The following DOCK1 variants were observed in gnomAD, a reference collection of about 807,000 sequenced individuals.
DOCK1 encodes dedicator of cytokinesis protein 1.
DOCK1 carries 138 observed loss-of-function variants against 262.7 expected under a neutral mutation model. The observed-to-expected ratio is 0.53, with a 90% CI of 0.46 to 0.61. The LOEUF (loss-of-function observed/expected upper bound fraction) is 0.61. Ranked by LOEUF, DOCK1 falls within the 20% of genes least tolerant of loss-of-function variation. The pLI, the probability that DOCK1 is intolerant of heterozygous loss-of-function variation, is 0.00. For missense variants in DOCK1, 1,908 were observed against 2,370.7 expected (o/e 0.80, Z 4.05); for synonymous variants, 866 against 867.4 (o/e 1.00, Z 0.03).
At chr10:126,988,977 G>A (rs753628760) in intron 5 of DOCK1, among the ~76,000 whole-genome samples, 73 of 151,692 alleles carry the variant, frequency 4.8e-4, no homozygotes, top group Non-Finnish European at 6.6e-4. Flanking sequence ...GGAAGCTTAG[G>A]CAGGAGAATT....
intron 27 of DOCK1, among the ~76,000 whole-genome samples, chr10:127,173,653 A>G (rs937847052): frequency 5.3e-5 from 8 of 152,122 alleles, no homozygotes; most frequent in Admixed American, 3.3e-4. Flanking sequence ...ACTACCAACT[A>G]TATCAACATC....
At position 127,354,673 on chromosome 10, in the gene DOCK1, G is replaced by A. The variant is rs571598696; in HGVS notation, c.3229G>A (p.Gly1077Arg). Residue 1077 changes from glycine (G) to arginine (R), a missense_variant, in exon 32 of 52, where the codon GGA (glycine) becomes AGA (arginine). Around this residue, in one of 9 missense-constraint regions of DOCK1, gnomAD observed 518 missense variants for 575.1 expected, o/e 0.90. Coordinates refer to ENST00000623213, the MANE Select transcript of DOCK1 (RefSeq NM_001290223.2). The stretch of plus-strand genomic sequence containing the variant: ...TTTCTTTTCCCTGATTTCCAGGTAC[G>A]GAGATATGAGGAGACAGATTGGCTT... ...AKRAKILNKYGDMRRQIGFEI... is the reference protein window; with the variant it reads ...AKRAKILNKYRDMRRQIGFEI... 1.3e-5 allele frequency: 21 copies of A among 1,613,848 alleles called. No homozygotes were observed. The highest frequency in any genetic ancestry group is 1.2e-4 in the African/African-American group (9 of 75,042).
chr10:127,416,283 A>C (rs2068146524), intron 44 of DOCK1, among the ~76,000 whole-genome samples: 1 of 152,150 alleles, frequency 6.6e-6, no homozygotes. Context: ...AGGCTGTGGG[A>C]GTTATGTGTC....
At chr10:127,342,163 C>T (rs191001071) in intron 30 of DOCK1, among the ~76,000 whole-genome samples, 3 of 152,160 alleles carry the variant, frequency 2.0e-5, no homozygotes, top group East Asian at 1.9e-4. Flanking sequence ...TGTGAGTCCT[C>T]GCAGGCATGG....
chr10:127,195,917 C>A (rs539353821), intron 27 of DOCK1: 2 of 152,346 alleles, frequency 1.3e-5, no homozygotes, highest in Middle Eastern at 3.4e-3. Context: ...GGGTCGGCGC[C>A]CGTCCCAGCG....
chr10:127,158,721 A>T (rs2133615589), intron 27 of DOCK1, among the ~76,000 whole-genome samples: 1 of 152,052 alleles, frequency 6.6e-6, no homozygotes, highest in African/African-American at 2.4e-5. Context: ...CCCCATATGA[A>T]CTCCTTTGGG....
At chr10:127,270,987 ATATATGTGTG>A (rs1441772992) in intron 29 of DOCK1, among the ~76,000 whole-genome samples, 5 of 65,132 alleles carry the variant, frequency 7.7e-5, no homozygotes, top group Non-Finnish European at 1.0e-4. Flanking sequence ...AACAAAAGTT[ATATATGTGTG>A]TATGTGTGTG....
At chr10:127,229,087 T>C (rs1379251850) in intron 27 of DOCK1, among the ~76,000 whole-genome samples, 1 of 151,948 alleles carries the variant, frequency 6.6e-6, no homozygotes, top group African/African-American at 2.4e-5. Flanking sequence ...TACAAAAAAT[T>C]AGCCGGGCGT....
At chr10:127,339,112 G>A (rs766195787) in intron 30 of DOCK1, 28 bp downstream of exon 30, 2 of 1,540,312 alleles carry the variant, frequency 1.3e-6, no homozygotes, top group African/African-American at 1.4e-5. Context: ...CACGACCTTT[G>A]TGGAGAAATC....
At chr10:127,067,215 C>T (rs979462882) in intron 23 of DOCK1, among the ~76,000 whole-genome samples, 6 of 152,194 alleles carry the variant, frequency 3.9e-5, no homozygotes, top group Non-Finnish European at 7.3e-5. Context: ...GGCGATGGCC[C>T]CACTGTGTTG....
intron 40 of DOCK1, among the ~76,000 whole-genome samples, chr10:127,408,593 G>T (rs2067659579): frequency 6.6e-6 from 1 of 152,198 alleles, no homozygotes; most frequent in South Asian, 2.1e-4. Flanking sequence ...CCTTATGGCA[G>T]AATGAAAACA....
chr10:127,148,030 C>CAAA (rs57503481), intron 27 of DOCK1, among the ~76,000 whole-genome samples: 43 of 63,324 alleles, frequency 6.8e-4, no homozygotes, highest in Non-Finnish European at 1.1e-3. Flanking sequence ...GACTCTGTCT[C>CAAA]AAAAAAAAAA....
At chr10:127,180,381 C>G (rs1462915884) in intron 27 of DOCK1, among the ~76,000 whole-genome samples, 7 of 152,122 alleles carry the variant, frequency 4.6e-5, no homozygotes, top group African/African-American at 1.7e-4. Flanking sequence ...TCTCTTGGCT[C>G]TAAAGCAGCA....
At chr10:126,969,567 G>A (rs1023603698) in intron 1 of DOCK1, among the ~76,000 whole-genome samples, 1 of 152,206 alleles carries the variant, frequency 6.6e-6, no homozygotes, top group African/African-American at 2.4e-5. Context: ...GAGATGGGAA[G>A]CTTTGCGTGG....
intron 27 of DOCK1, among the ~76,000 whole-genome samples, chr10:127,140,417 G>A (rs542172466): frequency 5.2e-4 from 79 of 152,274 alleles, no homozygotes; most frequent in Non-Finnish European, 8.7e-4. Flanking sequence ...ACTTGGAAAC[G>A]CCTGCCAGCA....
chr10:127,195,806 CGCACCGGGTCCGCTCCCGGCT>C, intron 27 of DOCK1, among the ~76,000 whole-genome samples: 1 of 152,272 alleles, frequency 6.6e-6, no homozygotes, highest in South Asian at 2.1e-4. Flanking sequence ...CACCTGCGAC[CGCACCGGGTCCGCTCCCGGCT>C]GCACCGGGGT....
chr10:127,432,280 T>G (rs973615065), intron 47 of DOCK1, among the ~76,000 whole-genome samples: 1 of 152,120 alleles, frequency 6.6e-6, no homozygotes, highest in Non-Finnish European at 1.5e-5. Flanking sequence ...GATCACATAT[T>G]TAAGAAAAAG....
chr10:127,036,996 A>G (rs867194312), intron 18 of DOCK1, among the ~76,000 whole-genome samples: 5 of 150,700 alleles, frequency 3.3e-5, no homozygotes, highest in Admixed American at 6.6e-5. Context: ...AAAAAAAAAA[A>G]AGAAAAAGAA....
intron 31 of DOCK1, among the ~76,000 whole-genome samples, chr10:127,350,274 A>AC (rs1554953651): frequency 5.3e-5 from 8 of 149,828 alleles, no homozygotes; most frequent in African/African-American, 1.7e-4. Flanking sequence ...CTTTAAAAAA[A>AC]ACCTGCCTCC....
Sources: allele counts gnomAD v4.1 joint callset (sites outside exome capture counted in the v4.1 genomes callset), GRCh38; gene constraint gnomAD v4.1.1; regional missense constraint gnomAD v4.1.1; transcripts MANE v1.5; gene names NCBI Gene and HGNC (gene_info 2026-07-23, HGNC 2026-07-21).